The following PIK3CB variants were observed in gnomAD, a reference collection of about 807,000 sequenced individuals.
The protein encoded by PIK3CB is phosphatidylinositol-4,5-bisphosphate 3-kinase catalytic subunit beta.
PIK3CB carries 39 observed loss-of-function variants against 136.8 expected under a neutral mutation model. The ratio of observed to expected loss-of-function variants is 0.29; its 90% confidence interval spans 0.22 to 0.37. The LOEUF (loss-of-function observed/expected upper bound fraction) is 0.37, where lower values mean the gene tolerates loss of function less well. Among genes scored for constraint, PIK3CB ranks in the 10% least tolerant of loss-of-function variants. The probability of loss-of-function intolerance (pLI) is 1.00; values close to 1 mark genes in which losing one functional copy is unlikely to be tolerated. For missense variants in PIK3CB, 868 were observed against 1,275.4 expected (o/e 0.68, Z 4.87); for synonymous variants, 428 against 436.6 (o/e 0.98, Z 0.25).
chr3:138,678,975 A>T (rs1169597631), intron 19 of PIK3CB, among the ~76,000 whole-genome samples: 1 of 152,190 alleles, frequency 6.6e-6, no homozygotes, highest in Non-Finnish European at 1.5e-5. Context: ...CTGAGGTATG[A>T]GAATTGCTTG....
intron 8 of PIK3CB, among the ~76,000 whole-genome samples, chr3:138,716,292 T>G (rs1372835497): frequency 6.6e-6 from 1 of 152,146 alleles, no homozygotes; most frequent in Non-Finnish European, 1.5e-5. Context: ...CCCCAAGTAC[T>G]GAGATGTTAC....
At chr3:138,807,731 A>T (rs1425732598) in intron 1 of PIK3CB, among the ~76,000 whole-genome samples, 1 of 152,118 alleles carries the variant, frequency 6.6e-6, no homozygotes, top group Non-Finnish European at 1.5e-5. Flanking sequence ...CATCTACACT[A>T]AAAATTTTAA....
intron 2 of PIK3CB, among the ~76,000 whole-genome samples, chr3:138,780,144 A>G (rs4894350): frequency 0.49 from 74,448 of 151,752 alleles, 20,750 homozygotes; most frequent in East Asian, 0.98. Flanking sequence ...TTTTTAGTAG[A>G]GACAGAGTTT....
At chr3:138,686,349 G>A (rs1009287078) in intron 16 of PIK3CB, among the ~76,000 whole-genome samples, 4 of 152,066 alleles carry the variant, frequency 2.6e-5, no homozygotes, top group Non-Finnish European at 4.4e-5. Flanking sequence ...TGAGGCAGGA[G>A]AATCACTTGA....
In PIK3CB at chr3:138,683,710, T is replaced by C; in HGVS notation, c.2393A>G (p.Asp798Gly). 1 of 1,593,748 alleles carries C rather than the reference T, an allele frequency of 6.3e-7. No individual in the cohort carries two copies. Reference sequence around the variant, plus strand: ...ATTTTTAAAAATCACTCCAACTGAATCCTCACCAAATACCTTGTTATTGTA... The same window carrying C: ...ATTTTTAAAAATCACTCCAACTGAACCCTCACCAAATACCTTGTTATTGTA... Reference protein sequence around the residue: ...LVYNNKVFGEDSVGVIFKNGD... With the variant: ...LVYNNKVFGEGSVGVIFKNGD... Residue 798 changes from aspartate (D) to glycine (G), a missense_variant, in exon 18 of 24, where the codon GAT becomes GGT. Physicochemically the swap from Asp to Gly is moderately conservative, Grantham distance 94. Around this residue, in one of 4 missense-constraint regions of PIK3CB, gnomAD observed 165 missense variants for 295.4 expected, o/e 0.56. Transcript: ENST00000674063.
chr3:138,810,009 AAC>A (rs1559887262), intron 1 of PIK3CB, among the ~76,000 whole-genome samples: 1 of 152,122 alleles, frequency 6.6e-6, no homozygotes, highest in Non-Finnish European at 1.5e-5. Context: ...AAAGTGTTCA[AAC>A]ACACACATAC....
chr3:138,781,556 G>GA (rs2045923952), intron 2 of PIK3CB, among the ~76,000 whole-genome samples: 1 of 151,912 alleles, frequency 6.6e-6, no homozygotes. Flanking sequence ...GGGTTCAGGT[G>GA]ATTCTCTTGC....
intron 8 of PIK3CB, among the ~76,000 whole-genome samples, chr3:138,730,947 T>A (rs536689810): frequency 2.4e-4 from 37 of 152,038 alleles, no homozygotes; most frequent in East Asian, 9.7e-4. Context: ...ATAATTTTTT[T>A]AAAAAAAGAA....
At chr3:138,757,817 T>C (rs750678116) in intron 3 of PIK3CB, among the ~76,000 whole-genome samples, 2 of 152,112 alleles carry the variant, frequency 1.3e-5, no homozygotes, top group African/African-American at 4.8e-5. Context: ...GTCCCAACAT[T>C]ATATGGTGCA....
intron 2 of PIK3CB, among the ~76,000 whole-genome samples, chr3:138,773,520 A>G (rs1186523157): frequency 6.6e-6 from 1 of 152,242 alleles, no homozygotes; most frequent in Non-Finnish European, 1.5e-5. Flanking sequence ...AAATTTAATA[A>G]AAGTCATATC....
intron 8 of PIK3CB, among the ~76,000 whole-genome samples, chr3:138,720,465 C>T (rs2108601985): frequency 6.6e-6 from 1 of 152,348 alleles, no homozygotes. Context: ...TCTCCCATCA[C>T]ACTCGTCTGG....
chr3:138,792,614 G>A (rs1332809500), intron 2 of PIK3CB, among the ~76,000 whole-genome samples: 3 of 152,322 alleles, frequency 2.0e-5, no homozygotes, highest in Non-Finnish European at 2.9e-5. Flanking sequence ...TTTTTACTCA[G>A]AAGAGGTAAG....
chr3:138,785,357 T>C (rs2045970035), intron 2 of PIK3CB, among the ~76,000 whole-genome samples: 1 of 152,120 alleles, frequency 6.6e-6, no homozygotes. Context: ...ATGATGACGA[T>C]GGCAGTTTTG....
At chr3:138,779,594 T>C (rs1040643051) in intron 2 of PIK3CB, among the ~76,000 whole-genome samples, 14 of 151,910 alleles carry the variant, frequency 9.2e-5, no homozygotes, top group African/African-American at 3.4e-4. Flanking sequence ...GGTTTTGCCA[T>C]GTTGCCCAGG....
chr3:138,772,048 T>C (rs1281763553), intron 2 of PIK3CB, among the ~76,000 whole-genome samples: 1 of 150,764 alleles, frequency 6.6e-6, no homozygotes, highest in Non-Finnish European at 1.5e-5. Context: ...GCAAAATATA[T>C]AAAAATGAAA....
intron 6 of PIK3CB, among the ~76,000 whole-genome samples, chr3:138,736,353 T>C (rs2045103053): frequency 6.6e-6 from 1 of 152,224 alleles, no homozygotes. Context: ...TGTAACATCA[T>C]GTTATCTGCT....
chr3:138,831,276 A>AAAATAAAATAAAATT (rs1934023892), intron 1 of PIK3CB, among the ~76,000 whole-genome samples: 3 of 135,698 alleles, frequency 2.2e-5, no homozygotes, highest in Admixed American at 2.1e-4. Context: ...AAAATAAAAT[A>AAAATAAAATAAAATT]AAATAAAATT....
intron 19 of PIK3CB, among the ~76,000 whole-genome samples, chr3:138,666,434 A>G (rs1456763059): frequency 6.6e-6 from 1 of 152,058 alleles, no homozygotes. Flanking sequence ...TTGGCCTCCT[A>G]AAGTGTTGGG....
chr3:138,814,533 G>A (rs1341137936), intron 1 of PIK3CB, among the ~76,000 whole-genome samples: 1 of 151,580 alleles, frequency 6.6e-6, no homozygotes, highest in Non-Finnish European at 1.5e-5. Flanking sequence ...GAAGACCAGG[G>A]CTATTTCACT....
Sources: gnomAD v4.1 joint callset for allele counts (sites outside exome capture counted in the v4.1 genomes callset) on GRCh38, gnomAD v4.1.1 for gene constraint, gnomAD v4.1.1 regional missense constraint, MANE v1.5 for transcripts, NCBI Gene and HGNC (gene_info 2026-07-23, HGNC 2026-07-21) for gene names.